The following ERLEC1 variants were observed in gnomAD, a reference collection of about 807,000 sequenced individuals.
The protein encoded by ERLEC1 is ER lectin.
In ERLEC1, 47 loss-of-function variants were observed where a neutral mutation model predicts 68.0. The ratio of observed to expected loss-of-function variants is 0.69; its 90% CI spans 0.55 to 0.88. The LOEUF is 0.88. Ranked by LOEUF, ERLEC1 falls within the 40% of genes least tolerant of loss-of-function variation. The probability of loss-of-function intolerance (pLI) is 0.00; values close to 1 mark genes in which losing one functional copy is unlikely to be tolerated. For missense variants in ERLEC1, 567 were observed against 583.8 expected (o/e 0.97, Z 0.30); for synonymous variants, 225 against 203.2 (o/e 1.11, Z -0.91).
At chr2:53,791,197 A>G (rs900849176) in intron 1 of ERLEC1, among the ~76,000 whole-genome samples, 2 of 152,186 alleles carry the variant, frequency 1.3e-5, no homozygotes, top group African/African-American at 2.4e-5. Flanking sequence ...ATGCCAAGAT[A>G]TTTTTTAAGT....
rs780976681 is a variant in ERLEC1, at chr2:53,814,824, G to T, written c.1305-36G>T. 4.1e-6 allele frequency: 6 copies of T among 1,481,326 alleles called. No individual in the cohort carries two copies. The African/African-American group carries it at 5.6e-5, about 14-fold the overall frequency. 91.8% of individuals were successfully genotyped at this position (1,481,326 alleles called of 1,614,324 possible). A position where few individuals can be genotyped will look rare whatever the true frequency, so the allele number is the denominator to read the frequency against. ...TATTAACAGTGATCTTACTTTAAAT[G>T]ATTTGGACAGTACCTTAAAGTGCTC... On this transcript the variant is annotated intron_variant, in intron 12 of 13. Coordinates refer to ENST00000185150, the MANE Select transcript of ERLEC1 (RefSeq NM_015701.5).
intron 8 of ERLEC1, among the ~76,000 whole-genome samples, chr2:53,807,847 C>A (rs74433389): frequency 0.068 from 10,022 of 147,858 alleles, 551 homozygotes; most frequent in East Asian, 0.28. Context: ...GTACTGAAAA[C>A]AACAACAACA....
At position 53,795,847 on chromosome 2, in the gene ERLEC1, A is replaced by T. The variant is rs116379965; in HGVS notation, c.268-86A>T. The stretch of plus-strand genomic sequence containing the variant: ...TCTCTTTTATTTCTAAGCATTTGTG[A>T]TTTGAGTAATGAGTTAATATCCAAA... On this transcript the variant is annotated intron_variant, in intron 2 of 13. Transcript: ENST00000185150. The T allele has an allele frequency of 6.4e-4, 536 of 833,810 alleles. 1 individual carries two copies. Among genetic ancestry groups the T allele is most frequent in the African/African-American group, 5.0e-3 (282 of 56,694 alleles). The allele number at this position is 833,810 out of a possible 1,614,324, so 51.7% of individuals were successfully genotyped here. A position where few individuals can be genotyped will look rare whatever the true frequency, so the allele number is the denominator to read the frequency against.
intron 1 of ERLEC1, among the ~76,000 whole-genome samples, chr2:53,789,340 G>A (rs917443486): frequency 2.8e-5 from 4 of 142,388 alleles, no homozygotes; most frequent in Admixed American, 7.4e-5. Flanking sequence ...GTTGCACTGA[G>A]CCAAGATTGC....
At chr2:53,804,983 G>A (rs1490647203) in intron 8 of ERLEC1, among the ~76,000 whole-genome samples, 1 of 149,354 alleles carries the variant, frequency 6.7e-6, no homozygotes, top group Non-Finnish European at 1.5e-5. Flanking sequence ...GCAAATGACA[G>A]GATCTCTTTT....
intron 8 of ERLEC1, 148 bp from the exon 9 acceptor site, chr2:53,808,151 A>G: frequency 2.6e-6 from 2 of 770,426 alleles, no homozygotes; most frequent in African/African-American, 3.5e-5. Context: ...TAAGTGCTGC[A>G]AAGTCCATTA....
intron 5 of ERLEC1, 30 bp from the exon 6 acceptor site, chr2:53,799,017 A>T (rs1192318403): frequency 6.2e-7 from 1 of 1,608,236 alleles, no homozygotes; most frequent in Admixed American, 1.7e-5. Context: ...GTCACTGCTC[A>T]TTCTTTACAC....
chr2:53,808,689 C>G (rs553240576), intron 9 of ERLEC1, among the ~76,000 whole-genome samples: 52 of 152,272 alleles, frequency 3.4e-4, no homozygotes, highest in African/African-American at 1.1e-3. Context: ...GACCTTTTGT[C>G]TGGCAATCAT....
chr2:53,788,996 A>G (rs1231768745), intron 1 of ERLEC1, among the ~76,000 whole-genome samples: 1 of 152,118 alleles, frequency 6.6e-6, no homozygotes, highest in African/African-American at 2.4e-5. Context: ...GCGAGCGACT[A>G]AAACTAGCAT....
At chr2:53,813,317 T>A (rs1400188459) in intron 11 of ERLEC1, among the ~76,000 whole-genome samples, 1 of 152,212 alleles carries the variant, frequency 6.6e-6, no homozygotes, top group Non-Finnish European at 1.5e-5. Context: ...TTGGAGAAAT[T>A]ACATCATCTT....
chr2:53,791,483 G>A (rs557063985), intron 1 of ERLEC1, among the ~76,000 whole-genome samples: 14 of 152,016 alleles, frequency 9.2e-5, no homozygotes, highest in East Asian at 3.9e-4. Context: ...TAGTGGATCC[G>A]AATTTTTAGA....
Position 53,794,361 on chromosome 2 carries a change from T to C in ERLEC1, c.179T>C (p.Leu60Ser), listed in dbSNP as rs1470891454. The C allele has an allele frequency of 2.6e-6, 4 of 1,540,920 alleles. No homozygotes were observed. Among genetic ancestry groups the C allele is most frequent in the Middle Eastern group, 1.7e-4 (1 of 5,938 alleles). Reference protein sequence around the residue: ...TEFSLPTTGVLYKEDNYVIMT... With the variant: ...TEFSLPTTGVSYKEDNYVIMT... ...TATTTGCAGCCCACAACTGGAGTTTTATATAAAGAAGATAATTATGTCATC... is the reference window on the plus strand; with the variant it reads ...TATTTGCAGCCCACAACTGGAGTTTCATATAAAGAAGATAATTATGTCATC... Residue 60 changes from leucine to serine, a missense_variant, in exon 2 of 14, where the codon TTA becomes TCA. Leu to Ser is a moderately radical substitution (Grantham distance 145). Transcript: ENST00000185150.
At chr2:53,814,682 A>G (rs1301377159) in intron 12 of ERLEC1, 62 bp downstream of exon 12, 1 of 1,213,240 alleles carries the variant, frequency 8.2e-7, no homozygotes, top group East Asian at 2.4e-5. Context: ...CTATGGACAA[A>G]AGTTTTATGT....
At chr2:53,787,972 T>C (rs1675159003) in intron 1 of ERLEC1, among the ~76,000 whole-genome samples, 1 of 152,188 alleles carries the variant, frequency 6.6e-6, no homozygotes, top group Non-Finnish European at 1.5e-5. Flanking sequence ...TTACGACTGT[T>C]ATTTGAGTCC....
chr2:53,796,107 C>G (rs1050463473), intron 3 of ERLEC1, 94 bp downstream of exon 3: 5 of 864,742 alleles, frequency 5.8e-6, no homozygotes, highest in Non-Finnish European at 8.4e-6. Flanking sequence ...TATGTTGTGT[C>G]AGGTTTTTTT....
intron 8 of ERLEC1, 71 bp from the exon 9 acceptor site, chr2:53,808,228 A>T (rs918766581): frequency 1.8e-4 from 279 of 1,509,814 alleles, no homozygotes; most frequent in Non-Finnish European, 2.4e-4. Context: ...AAAAATAATA[A>T]CTTAAGCCAT....
intron 6 of ERLEC1, 24 bp from the exon 7 acceptor site, chr2:53,801,369 AGTCT>A: frequency 6.3e-7 from 1 of 1,577,150 alleles, no homozygotes; most frequent in Non-Finnish European, 8.7e-7. Context: ...TCTAATGAAA[AGTCT>A]GTCTTATACT....
intron 13 of ERLEC1, among the ~76,000 whole-genome samples, chr2:53,815,669 A>G (rs1308053439): frequency 6.6e-6 from 1 of 152,150 alleles, no homozygotes; most frequent in African/African-American, 2.4e-5. Flanking sequence ...CATATAGTGT[A>G]TAATATTTCT....
chr2:53,803,563 A>G (rs559716318), intron 8 of ERLEC1, among the ~76,000 whole-genome samples: 120 of 151,382 alleles, frequency 7.9e-4, no homozygotes, highest in African/African-American at 2.6e-3. Flanking sequence ...CAGGAGTTCA[A>G]TACCAGACTA....
Sources: allele counts gnomAD v4.1 joint callset (sites outside exome capture counted in the v4.1 genomes callset), GRCh38; gene constraint gnomAD v4.1.1; transcripts MANE v1.5; gene names NCBI Gene and HGNC (gene_info 2026-07-23, HGNC 2026-07-21).